RALGDS: variants seen among roughly 807,000 people sequenced by gnomAD.
The protein encoded by RALGDS is ral guanine nucleotide exchange factor.
Under a neutral mutation model 99.8 loss-of-function variants are expected in RALGDS, and 44 were observed. The ratio of observed to expected loss-of-function variants is 0.44; its 90% CI spans 0.35 to 0.57. RALGDS has a LOEUF of 0.57. Ranked by LOEUF, RALGDS falls within the 20% of genes least tolerant of loss-of-function variation. The probability of loss-of-function intolerance (pLI) is 0.01; values close to 1 mark genes in which losing one functional copy is unlikely to be tolerated. For missense variants in RALGDS, 1,022 were observed against 1,203.1 expected (o/e 0.85, Z 2.23); for synonymous variants, 529 against 505.0 (o/e 1.05, Z -0.64).
At chr9:133,100,668 T>C (rs1830713873) in intron 16 of RALGDS, 2 of 1,300,972 alleles carry the variant, frequency 1.5e-6, no homozygotes, top group Non-Finnish European at 2.0e-6. Context: ...CCTCCCACAC[T>C]TCCTTGAGAA....
intron 1 of RALGDS, among the ~76,000 whole-genome samples, chr9:133,116,591 G>A (rs756938214): frequency 9.2e-5 from 14 of 152,280 alleles, no homozygotes; most frequent in Non-Finnish European, 1.9e-4. Context: ...CGGGAGGGGC[G>A]TGGCTGGTGG....
intron 1 of RALGDS, among the ~76,000 whole-genome samples, chr9:133,126,734 T>C (rs1832172540): frequency 6.6e-6 from 1 of 152,170 alleles, no homozygotes; most frequent in Admixed American, 6.5e-5. Flanking sequence ...AGATGGAAAC[T>C]GAGCCCAAGA....
At chr9:133,109,838 GC>G (rs1452355325) in intron 3 of RALGDS, 117 bp from the exon 4 acceptor site, 3 of 787,598 alleles carry the variant, frequency 3.8e-6, no homozygotes, top group Non-Finnish European at 4.4e-6. Context: ...CTAGAAAAGG[GC>G]CAGCACACAG....
exon 1 of RALGDS, chr9:133,149,119 A>G (rs1832673037): frequency 2.7e-6 from 1 of 364,322 alleles, no homozygotes; most frequent in African/African-American, 2.2e-5. Flanking sequence ...CGCCGGGCCC[A>G]GGACTCTGCG....
upstream of RALGDS, among the ~76,000 whole-genome samples, chr9:133,124,063 G>GACAC (rs747752024): frequency 7.9e-5 from 5 of 63,638 alleles, 1 homozygote; most frequent in African/African-American, 3.3e-4. Flanking sequence ...CAGAGACACA[G>GACAC]ACACACACAC....
At chr9:133,112,303 G>A (rs1036680745) in intron 1 of RALGDS, 151 bp from the exon 2 acceptor site, 14 of 668,586 alleles carry the variant, frequency 2.1e-5, no homozygotes, top group East Asian at 1.4e-4. Context: ...TGAGATCACA[G>A]CTCGAGAGCC....
chr9:133,149,132 C>T (rs1367282019), exon 1 of RALGDS: 1 of 257,520 alleles, frequency 3.9e-6, no homozygotes, highest in Non-Finnish European at 6.2e-6. Flanking sequence ...ACTCTGCGGC[C>T]CTCGGGGCCG....
upstream of RALGDS, among the ~76,000 whole-genome samples, chr9:133,124,117 CAT>C (rs1416280416): frequency 1.1e-5 from 1 of 87,952 alleles, no homozygotes; most frequent in Non-Finnish European, 2.6e-5. Context: ...CAGACACACA[CAT>C]AGAGACAGAG....
chr9:133,147,078 C>A (rs1832634023), intron 1 of RALGDS, among the ~76,000 whole-genome samples: 1 of 152,182 alleles, frequency 6.6e-6, no homozygotes, highest in African/African-American at 2.4e-5. Context: ...TGTCACATAG[C>A]TGTCCACAGG....
intron 1 of RALGDS, among the ~76,000 whole-genome samples, chr9:133,136,730 C>T (rs1832433303): frequency 6.6e-6 from 1 of 152,044 alleles, no homozygotes. Context: ...AAGATCGTGC[C>T]ACTGCACTCC....
intron 3 of RALGDS, 58 bp from the exon 4 acceptor site, chr9:133,109,779 G>A (rs3747817): frequency 0.27 from 386,765 of 1,453,564 alleles, 55,699 homozygotes; most frequent in Middle Eastern, 0.33. Context: ...AGGCCCAGGA[G>A]GGCAGGGATT....
At chr9:133,121,830 T>A (rs1032640940), upstream of RALGDS, among the ~76,000 whole-genome samples, 2 of 152,164 alleles carry the variant, frequency 1.3e-5, no homozygotes, top group African/African-American at 2.4e-5. Flanking sequence ...CAGGCGGAGT[T>A]TGGAGAGGCT....
chr9:133,101,729 T>A lies in RALGDS; in HGVS notation c.2245A>T (p.Thr749Ser), dbSNP rs777411574. Reference protein sequence around the residue: ...WESASQSSPETSGISSASSST... With the variant: ...WESASQSSPESSGISSASSST... ...CTGGAGGCTGAGCTGATGCCGGAGG[T>A]CTCCGGGGATGACTGTGAGGCTGAT... The change falls in exon 16 of 18, where the codon ACC becomes TCC. Residue 749 changes from threonine to serine, a missense_variant. Thr to Ser is a moderately conservative substitution (Grantham distance 58). Coordinates refer to ENST00000372050, the MANE Select transcript of RALGDS (RefSeq NM_006266.4). The A allele has an allele frequency of 3.1e-6, 5 of 1,612,762 alleles. No homozygotes were observed. The African/African-American group carries it at 6.7e-5, about 22-fold the overall frequency.
Position 133,100,261 on chromosome 9 carries a change from G to GACTT in RALGDS, c.2569+3_2569+6dup, listed in dbSNP as rs1365816483. Reference sequence around the variant, plus strand: ...CTCTGCCATCGCCCTCTGGTCTTCTGACTTACTCCGGTCATCTGAGAGAAT... The same window carrying GACTT: ...CTCTGCCATCGCCCTCTGGTCTTCTGACTTACTTACTCCGGTCATCTGAGAGAAT... On this transcript the variant is annotated splice_region_variant and intron_variant, in intron 17 of 17. Coordinates refer to ENST00000372050, the MANE Select transcript of RALGDS (RefSeq NM_006266.4). The GACTT allele has an allele frequency of 1.2e-6, 2 of 1,613,508 alleles. No homozygotes were observed. The highest frequency in any genetic ancestry group is 1.1e-5 in the South Asian group (1 of 91,058).
At chr9:133,135,936 C>A (rs1289254667), upstream of RALGDS, among the ~76,000 whole-genome samples, 3 of 152,178 alleles carry the variant, frequency 2.0e-5, no homozygotes, top group African/African-American at 7.2e-5. Context: ...AATGTTGCAG[C>A]AATGTCAACT....
At chr9:133,102,617 G>A (rs768993318) in intron 13 of RALGDS, 46 bp from the exon 14 acceptor site, 39 of 1,607,664 alleles carry the variant, frequency 2.4e-5, no homozygotes, top group Admixed American at 6.7e-5. Flanking sequence ...GCCATGCTCC[G>A]GCCTTCCCCC....
chr9:133,136,508 G>A (rs956869728), intron 1 of RALGDS, among the ~76,000 whole-genome samples: 2 of 152,244 alleles, frequency 1.3e-5, no homozygotes, highest in Non-Finnish European at 2.9e-5. Context: ...GGGTGCGGTG[G>A]CTCACGCCTG....
intron 1 of RALGDS, among the ~76,000 whole-genome samples, chr9:133,143,210 C>G (rs1221906671): frequency 6.6e-6 from 1 of 152,206 alleles, no homozygotes; most frequent in Non-Finnish European, 1.5e-5. Context: ...GAATCCAGGT[C>G]CCCAGGCTCG....
At chr9:133,101,377 T>C (rs774651134) in intron 16 of RALGDS, 143 bp downstream of exon 16, 2 of 1,550,390 alleles carry the variant, frequency 1.3e-6, no homozygotes, top group South Asian at 1.1e-5. Context: ...GATCACTACC[T>C]TCTTCATTTC....
Sources: allele counts gnomAD v4.1 joint callset (sites outside exome capture counted in the v4.1 genomes callset), GRCh38; gene constraint gnomAD v4.1.1; transcripts MANE v1.5; gene names NCBI Gene and HGNC (gene_info 2026-07-23, HGNC 2026-07-21).